The following USO1 variants were observed in gnomAD, a reference collection of about 807,000 sequenced individuals.
USO1 encodes general vesicular transport factor p115.
A neutral mutation model predicts 124.5 loss-of-function variants in USO1; 57 were observed. The observed-to-expected ratio is 0.46, with a 90% CI of 0.37 to 0.57. The LOEUF (loss-of-function observed/expected upper bound fraction) is 0.57, where lower values mean the gene tolerates loss of function less well. USO1 is among the 20% of genes least tolerant of loss of function. USO1 has a pLI of 0.00. For missense variants in USO1, 900 were observed against 1,040.6 expected (o/e 0.86, Z 1.86); for synonymous variants, 369 against 362.8 (o/e 1.02, Z -0.19).
chr4:75,738,329 T>C (rs768884430), intron 1 of USO1, among the ~76,000 whole-genome samples: 5 of 151,728 alleles, frequency 3.3e-5, no homozygotes, highest in Non-Finnish European at 7.4e-5. Flanking sequence ...TGGTGGCACA[T>C]GCATGTAAGC....
intron 7 of USO1, among the ~76,000 whole-genome samples, chr4:75,771,697 G>A (rs1721938078): frequency 6.6e-6 from 1 of 152,142 alleles, no homozygotes; most frequent in Non-Finnish European, 1.5e-5. Context: ...CTAAGGATTT[G>A]CCTTGTTAAT....
rs762188182 is a variant in USO1 at position 75,790,689 on chromosome 4, C to A, written c.1132C>A (p.Pro378Thr). The A allele has an allele frequency of 8.7e-6, 14 of 1,612,516 alleles. No homozygotes were observed. The highest frequency in any genetic ancestry group is 1.2e-5 in the Non-Finnish European group (14 of 1,179,386). The stretch of plus-strand genomic sequence containing the variant: ...CATGTCCATGGTTAATGAAAGGCAG[C>A]CATTTGTTTTGCGCTGTGCTGTTCT... ...LLMSMVNERQPFVLRCAVLYC... is the reference protein window; with the variant it reads ...LLMSMVNERQTFVLRCAVLYC... Residue 378 changes from proline (P) to threonine (T), a missense_variant, in exon 12 of 24, where the codon CCA (proline) becomes ACA (threonine). Coordinates refer to ENST00000514213, the MANE Select transcript of USO1 (RefSeq NM_003715.4).
At chr4:75,758,395 C>G (rs1490690925) in intron 4 of USO1, among the ~76,000 whole-genome samples, 1 of 152,094 alleles carries the variant, frequency 6.6e-6, no homozygotes, top group Non-Finnish European at 1.5e-5. Context: ...GTTATATGAT[C>G]TCTCAAAATT....
At chr4:75,739,989 T>C (rs1232952274) in intron 1 of USO1, among the ~76,000 whole-genome samples, 2 of 152,304 alleles carry the variant, frequency 1.3e-5, no homozygotes, top group African/African-American at 2.4e-5. Flanking sequence ...GCATGTGTTA[T>C]AGTGCTGTTG....
intron 22 of USO1, among the ~76,000 whole-genome samples, chr4:75,811,551 A>G (rs1002351696): frequency 6.6e-6 from 1 of 152,232 alleles, no homozygotes; most frequent in Admixed American, 6.5e-5. Context: ...GCTTTCCATA[A>G]GCCGTGGAAC....
At chr4:75,765,191 A>G (rs1721732560) in intron 4 of USO1, among the ~76,000 whole-genome samples, 1 of 152,186 alleles carries the variant, frequency 6.6e-6, no homozygotes, top group South Asian at 2.1e-4. Context: ...TAATTTCTTG[A>G]GGGAGACAAT....
At chr4:75,768,595 A>G (rs532181583) in intron 4 of USO1, among the ~76,000 whole-genome samples, 1 of 152,296 alleles carries the variant, frequency 6.6e-6, no homozygotes, top group African/African-American at 2.4e-5. Context: ...AGACAGTTTT[A>G]CTTCTTTTCT....
intron 8 of USO1, among the ~76,000 whole-genome samples, chr4:75,782,177 A>G (rs1722238816): frequency 6.6e-6 from 1 of 152,198 alleles, no homozygotes; most frequent in African/African-American, 2.4e-5. Flanking sequence ...ATCAAATAAG[A>G]TATGGTTGAT....
At chr4:75,784,049 T>C (rs1378793833) in intron 9 of USO1, among the ~76,000 whole-genome samples, 1 of 152,234 alleles carries the variant, frequency 6.6e-6, no homozygotes, top group Non-Finnish European at 1.5e-5. Context: ...AGAGACAGGT[T>C]CTTACTTAGT....
intron 12 of USO1, among the ~76,000 whole-genome samples, chr4:75,792,153 A>C (rs1005816956): frequency 2.0e-5 from 3 of 151,496 alleles, no homozygotes; most frequent in African/African-American, 7.3e-5. Context: ...CAATTCCAGC[A>C]TTTTGGGAGG....
intron 8 of USO1, among the ~76,000 whole-genome samples, chr4:75,780,640 CTTTTTTTTTTT>C (rs71210204): frequency 1.7e-5 from 1 of 59,156 alleles, no homozygotes; most frequent in African/African-American, 6.8e-5. Flanking sequence ...TAAATTTTGA[CTTTTTTTTTTT>C]TTTTTTTTTT....
chr4:75,804,547 T>G (rs899812994), intron 18 of USO1, among the ~76,000 whole-genome samples: 5 of 152,136 alleles, frequency 3.3e-5, no homozygotes, highest in African/African-American at 1.2e-4. Context: ...AGATGCTTTT[T>G]TAAAAAAAAA....
chr4:75,757,851 GC>G (rs1462779956), intron 4 of USO1, among the ~76,000 whole-genome samples: 1 of 151,928 alleles, frequency 6.6e-6, no homozygotes, highest in East Asian at 1.9e-4. Flanking sequence ...TAGGCAGTAT[GC>G]ATATTAGCCA....
intron 20 of USO1, among the ~76,000 whole-genome samples, chr4:75,808,002 CA>C (rs1723043277): frequency 6.6e-6 from 1 of 151,988 alleles, no homozygotes; most frequent in Non-Finnish European, 1.5e-5. Flanking sequence ...AGAAAAGCCA[CA>C]AATGTACATG....
intron 17 of USO1, among the ~76,000 whole-genome samples, chr4:75,802,894 C>A (rs1325009912): frequency 6.7e-6 from 1 of 149,510 alleles, no homozygotes; most frequent in Non-Finnish European, 1.5e-5. Flanking sequence ...ACCAATCTGA[C>A]CAACATGGAG....
chr4:75,794,420 G>A (rs1722622984), intron 13 of USO1, among the ~76,000 whole-genome samples: 1 of 152,106 alleles, frequency 6.6e-6, no homozygotes, highest in East Asian at 1.9e-4. Context: ...GTAAGATGGA[G>A]GAAAACATAA....
chr4:75,748,305 C>T (rs1288500713), intron 1 of USO1, among the ~76,000 whole-genome samples: 1 of 150,996 alleles, frequency 6.6e-6, no homozygotes, highest in Admixed American at 6.6e-5. Flanking sequence ...TCTTGTGCCT[C>T]GGCCTTCTGA....
chr4:75,798,917 GATGTAA>G (rs1199307801), intron 13 of USO1, among the ~76,000 whole-genome samples: 1 of 152,066 alleles, frequency 6.6e-6, no homozygotes, highest in Non-Finnish European at 1.5e-5. Context: ...CTACCTAGGA[GATGTAA>G]ATGTGTTGTA....
At chr4:75,770,572 T>G in intron 5 of USO1, 33 bp downstream of exon 5, 1 of 1,534,644 alleles carries the variant, frequency 6.5e-7, no homozygotes, top group Non-Finnish European at 8.8e-7. Context: ...TTTGTCATCT[T>G]AATAAGCTGC....
Sources: gnomAD v4.1 joint callset for allele counts (sites outside exome capture counted in the v4.1 genomes callset) on GRCh38, gnomAD v4.1.1 for gene constraint, MANE v1.5 for transcripts, NCBI Gene and HGNC (gene_info 2026-07-23, HGNC 2026-07-21) for gene names.